The following SPATS2L variants were observed in gnomAD, a reference collection of about 807,000 sequenced individuals.
The protein encoded by SPATS2L is SPATS2-like protein.
A neutral mutation model predicts 59.6 loss-of-function variants in SPATS2L; 30 were observed. The ratio of observed to expected loss-of-function variants is 0.50; its 90% CI spans 0.38 to 0.68. SPATS2L has a LOEUF of 0.68. Ranked by LOEUF, SPATS2L falls within the 30% of genes least tolerant of loss-of-function variation. SPATS2L has a pLI of 0.00. For synonymous variants in SPATS2L, 252 were observed against 263.5 expected (o/e 0.96, Z 0.42); for missense variants, 615 against 700.0 (o/e 0.88, Z 1.37).
intron 6 of SPATS2L, among the ~76,000 whole-genome samples, chr2:200,425,273 A>G (rs1180006853): frequency 6.6e-6 from 1 of 152,042 alleles, no homozygotes; most frequent in Non-Finnish European, 1.5e-5. Context: ...TCCTGGCCTC[A>G]AGATTACCTC....
chr2:200,333,335 C>CT (rs4035264), intron 2 of SPATS2L, among the ~76,000 whole-genome samples: 66 of 143,632 alleles, frequency 4.6e-4, no homozygotes, highest in African/African-American at 6.5e-4. Flanking sequence ...ACATAGCAGT[C>CT]TTTTTTTTTT....
intron 10 of SPATS2L, 79 bp downstream of exon 10, chr2:200,467,478 T>G: frequency 1.0e-6 from 1 of 989,492 alleles, no homozygotes; most frequent in Non-Finnish European, 1.6e-6. Context: ...TCCACAGAGT[T>G]CTGCTCTCTG....
At chr2:200,410,740 A>G (rs1219264599) in intron 3 of SPATS2L, among the ~76,000 whole-genome samples, 1 of 152,096 alleles carries the variant, frequency 6.6e-6, no homozygotes, top group Non-Finnish European at 1.5e-5. Flanking sequence ...ATTTTATACC[A>G]CTTAAGTGGA....
chr2:200,471,273 C>G (rs1406303259), intron 11 of SPATS2L, among the ~76,000 whole-genome samples: 1 of 152,170 alleles, frequency 6.6e-6, no homozygotes, highest in African/African-American at 2.4e-5. Context: ...ATTGTTCCCC[C>G]CTGTACTCTT....
intron 12 of SPATS2L, among the ~76,000 whole-genome samples, chr2:200,474,504 G>A (rs1296098844): frequency 6.6e-6 from 1 of 151,894 alleles, no homozygotes; most frequent in Non-Finnish European, 1.5e-5. Context: ...TAGAGATGGG[G>A]TTTTGTCATG....
Position 200,318,714 on chromosome 2 carries a change from A to G in SPATS2L, c.-72-10717A>G, listed in dbSNP as rs149732569. Among the ~76,000 whole-genome samples, 1,040 of 152,324 alleles carry G rather than the reference A, an allele frequency of 6.8e-3. 12 individuals carry two copies. Among genetic ancestry groups the G allele is most frequent in the African/African-American group, 0.023 (970 of 41,568 alleles). ...TAGATATTACTTACATGTGTGTACT[A>G]GGAGTATCTTCATGAAACTCAGTGA... is the stretch of plus-strand genomic sequence containing the variant. On this transcript the variant is annotated intron_variant, in intron 1 of 12. Coordinates refer to ENST00000409140, the MANE Select transcript of SPATS2L (RefSeq NM_001100423.2).
At chr2:200,477,538 AGC>A in intron 12 of SPATS2L, 96 bp from the exon 13 acceptor site, 7 of 612,060 alleles carry the variant, frequency 1.1e-5, no homozygotes, top group African/African-American at 8.3e-5. Context: ...AAAAAAAAAA[AGC>A]TTACCTGTGG....
chr2:200,473,082 G>GAA, intron 12 of SPATS2L, 30 bp downstream of exon 12: 4 of 1,421,148 alleles, frequency 2.8e-6, no homozygotes, highest in Middle Eastern at 2.1e-4. Context: ...GGGTGCCAGA[G>GAA]GAAAAAAAAA....
chr2:200,407,024 G>C (rs1387495750), intron 3 of SPATS2L, among the ~76,000 whole-genome samples: 4 of 152,124 alleles, frequency 2.6e-5, no homozygotes, highest in Non-Finnish European at 5.9e-5. Flanking sequence ...CCCCAAATAC[G>C]TCTTGACCAA....
At chr2:200,385,305 G>A (rs776368605) in intron 2 of SPATS2L, among the ~76,000 whole-genome samples, 2 of 152,182 alleles carry the variant, frequency 1.3e-5, no homozygotes, top group Admixed American at 6.5e-5. Context: ...GAGGCTTCAC[G>A]TTGCTAAACC....
intron 6 of SPATS2L, among the ~76,000 whole-genome samples, chr2:200,422,384 A>G (rs1245600477): frequency 3.3e-5 from 5 of 152,100 alleles, no homozygotes; most frequent in African/African-American, 1.2e-4. Context: ...AAATAATACA[A>G]AAATTAGCTG....
intron 6 of SPATS2L, among the ~76,000 whole-genome samples, chr2:200,422,203 C>T (rs886158925): frequency 2.6e-5 from 4 of 152,142 alleles, no homozygotes; most frequent in African/African-American, 9.7e-5. Context: ...GTTAATGTTA[C>T]TGATTCATTA....
At chr2:200,399,838 A>T (rs1380715459) in intron 3 of SPATS2L, among the ~76,000 whole-genome samples, 1 of 152,174 alleles carries the variant, frequency 6.6e-6, no homozygotes, top group Non-Finnish European at 1.5e-5. Flanking sequence ...GATTAACCCA[A>T]CTCCCTTATT....
At chr2:200,447,049 G>C (rs3754790) in intron 8 of SPATS2L, among the ~76,000 whole-genome samples, 65,080 of 151,992 alleles carry the variant, frequency 0.43, 14,056 homozygotes, top group Middle Eastern at 0.49. Context: ...AGAACCAAAG[G>C]TTGTAGCTAA....
intron 2 of SPATS2L, among the ~76,000 whole-genome samples, chr2:200,351,506 T>C (rs529142214): frequency 1.8e-4 from 28 of 152,348 alleles, no homozygotes; most frequent in African/African-American, 6.5e-4. Flanking sequence ...TATTACCTTG[T>C]CAGTAACTTT....
chr2:200,331,176 C>T (rs1209776883), intron 2 of SPATS2L, among the ~76,000 whole-genome samples: 1 of 152,218 alleles, frequency 6.6e-6, no homozygotes, highest in Non-Finnish European at 1.5e-5. Flanking sequence ...ATGAAGAGGC[C>T]TGTCCCATGT....
chr2:200,320,810 C>T (rs1002277158), intron 1 of SPATS2L, among the ~76,000 whole-genome samples: 1 of 152,048 alleles, frequency 6.6e-6, no homozygotes, highest in South Asian at 2.1e-4. Context: ...TTTTATTGTA[C>T]TCATGTACAA....
chr2:200,309,932 CT>C (rs1239509008), intron 1 of SPATS2L, among the ~76,000 whole-genome samples: 3 of 152,122 alleles, frequency 2.0e-5, no homozygotes, highest in African/African-American at 7.2e-5. Flanking sequence ...GTAGGATCCC[CT>C]AAGTACCATA....
chr2:200,361,132 C>T (rs111154637), intron 2 of SPATS2L, among the ~76,000 whole-genome samples: 1 of 137,846 alleles, frequency 7.3e-6, no homozygotes, highest in Non-Finnish European at 1.5e-5. Context: ...CATACACATA[C>T]ACACTGTTCC....
Sources: allele counts gnomAD v4.1 joint callset (sites outside exome capture counted in the v4.1 genomes callset), GRCh38; gene constraint gnomAD v4.1.1; transcripts MANE v1.5; gene names NCBI Gene and HGNC (gene_info 2026-07-23, HGNC 2026-07-21).